Variants in TMEM135 observed in about 807,000 individuals in gnomAD.
TMEM135 encodes transmembrane protein 135, also known as peroxisomal membrane protein 52.
Under a neutral mutation model 60.3 loss-of-function variants are expected in TMEM135, and 30 were observed. That is an observed-to-expected ratio of 0.50 (90% CI 0.37 to 0.68). The LOEUF is 0.68. Among genes scored for constraint, TMEM135 ranks in the 30% least tolerant of loss-of-function variants. The probability of loss-of-function intolerance (pLI) is 0.00; values close to 1 mark genes in which losing one functional copy is unlikely to be tolerated. For missense variants in TMEM135, 468 were observed against 548.8 expected (o/e 0.85, Z 1.47); for synonymous variants, 190 against 186.7 (o/e 1.02, Z -0.14).
intron 6 of TMEM135, among the ~76,000 whole-genome samples, chr11:87,292,003 T>C (rs1038009071): frequency 6.6e-5 from 10 of 152,148 alleles, no homozygotes; most frequent in African/African-American, 2.4e-4. Context: ...TTCCCTCCCC[T>C]ATTTTGCTCC....
intron 6 of TMEM135, among the ~76,000 whole-genome samples, chr11:87,241,136 A>G (rs913209323): frequency 1.3e-5 from 2 of 151,928 alleles, no homozygotes; most frequent in Non-Finnish European, 1.5e-5. Context: ...TAGTTTATCT[A>G]TTTAAGAAAA....
chr11:87,248,626 T>G lies in TMEM135; in HGVS notation c.509+11942T>G, dbSNP rs570928564. On this transcript the variant is annotated intron_variant, in intron 6 of 14. Coordinates refer to ENST00000305494, the MANE Select transcript of TMEM135 (RefSeq NM_022918.4). The stretch of plus-strand genomic sequence containing the variant: ...CATTTGTGGTTCCATATAAATTATA[T>G]GATTTTTTTTTCTATTTCTATGAAG... Among the ~76,000 whole-genome samples the G allele has an allele frequency of 7.1e-3, 600 of 84,796 alleles. 3 individuals carry two copies. Among genetic ancestry groups the G allele is most frequent in the Non-Finnish European group, 0.012 (424 of 34,476 alleles). The allele number at this position is 84,796 out of a possible 152,430, so 55.6% of individuals were successfully genotyped here. A position where few individuals can be genotyped will look rare whatever the true frequency, so the allele number is the denominator to read the frequency against.
chr11:87,306,063 T>TCTAA, intron 9 of TMEM135, 58 bp downstream of exon 9: 7 of 1,002,762 alleles, frequency 7.0e-6, no homozygotes, highest in East Asian at 2.8e-5. Context: ...AGAAATTATT[T>TCTAA]ATTTATTTAG....
rs750537679 is a variant in TMEM135, at chr11:87,324,080, G to A, written c.*2747G>A. ...TTGATGGAATCCAAACTGAGCAAATGTCACACAGTATTTTCTTGTTGTGCT... is the reference window on the plus strand; with the variant it reads ...TTGATGGAATCCAAACTGAGCAAATATCACACAGTATTTTCTTGTTGTGCT... On this transcript the variant is annotated 3_prime_UTR_variant, in exon 15 of 15. Coordinates refer to ENST00000305494, the MANE Select transcript of TMEM135 (RefSeq NM_022918.4). 6.2e-5 allele frequency: 28 copies of A among 453,930 alleles called. No homozygotes were observed. The highest frequency in any genetic ancestry group is 3.5e-5 in the Non-Finnish European group (8 of 226,776). 28.1% of individuals were successfully genotyped at this position (453,930 alleles called of 1,614,324 possible). A position where few individuals can be genotyped will look rare whatever the true frequency, so the allele number is the denominator to read the frequency against.
chr11:87,252,159 T>C (rs1941430759), intron 6 of TMEM135, among the ~76,000 whole-genome samples: 1 of 152,120 alleles, frequency 6.6e-6, no homozygotes, highest in South Asian at 2.1e-4. Flanking sequence ...CTCTCTTTCT[T>C]AGACTGGAGA....
At chr11:87,222,515 A>T (rs1488190553) in intron 5 of TMEM135, among the ~76,000 whole-genome samples, 1 of 146,216 alleles carries the variant, frequency 6.8e-6, no homozygotes, top group Non-Finnish European at 1.5e-5. Context: ...AAAAAAAATA[A>T]TTACTGGGCC....
chr11:87,302,516 T>A lies in TMEM135; in HGVS notation c.698+74T>A, dbSNP rs761525630. On this transcript the variant is annotated intron_variant, in intron 8 of 14. Transcript: ENST00000305494. ...TGATATTTGTACCATGCCAAGGTTA[T>A]TTTTGTTTTCTATTCAGGTAATGAT... 1.1e-5 allele frequency: 17 copies of A among 1,594,290 alleles called. No homozygotes were observed. The East Asian group carries it at 2.9e-4, about 27-fold the overall frequency.
chr11:87,109,676 C>A (rs1857692474), intron 4 of TMEM135, among the ~76,000 whole-genome samples: 1 of 152,098 alleles, frequency 6.6e-6, no homozygotes, highest in Non-Finnish European at 1.5e-5. Context: ...TAAAGGGGGA[C>A]TATTATATGT....
At chr11:87,216,095 A>C (rs915011896) in intron 5 of TMEM135, among the ~76,000 whole-genome samples, 1 of 152,204 alleles carries the variant, frequency 6.6e-6, no homozygotes, top group African/African-American at 2.4e-5. Context: ...ATTAAACTTT[A>C]TCACAGGTAT....
At chr11:87,251,980 G>C (rs1941427766) in intron 6 of TMEM135, among the ~76,000 whole-genome samples, 1 of 152,050 alleles carries the variant, frequency 6.6e-6, no homozygotes, top group African/African-American at 2.4e-5. Flanking sequence ...TAAGCTGCTA[G>C]AGAAATTTCT....
chr11:87,141,219 T>A (rs1938252779), intron 4 of TMEM135, among the ~76,000 whole-genome samples: 1 of 152,160 alleles, frequency 6.6e-6, no homozygotes, highest in Non-Finnish European at 1.5e-5. Context: ...TTTATGTACA[T>A]AGCATATTTC....
At chr11:87,127,401 A>G (rs899452033) in intron 4 of TMEM135, among the ~76,000 whole-genome samples, 2 of 152,152 alleles carry the variant, frequency 1.3e-5, no homozygotes, top group Non-Finnish European at 2.9e-5. Flanking sequence ...CATGGCCTCC[A>G]GGTTTTGTGG....
intron 4 of TMEM135, among the ~76,000 whole-genome samples, chr11:87,098,029 A>G (rs1857370409): frequency 6.6e-6 from 1 of 152,102 alleles, no homozygotes; most frequent in Non-Finnish European, 1.5e-5. Context: ...TGTGTGTTTT[A>G]TACATTGCTG....
At chr11:87,188,031 A>G (rs1018135249) in intron 5 of TMEM135, among the ~76,000 whole-genome samples, 3 of 152,214 alleles carry the variant, frequency 2.0e-5, no homozygotes, top group African/African-American at 7.2e-5. Flanking sequence ...AAGATTATTT[A>G]TTCAGAATTC....
rs528610919 is a variant in TMEM135, at chr11:87,047,470, G to C, written c.141+9284G>C. Among the ~76,000 whole-genome samples, 21 of 151,422 alleles carry C rather than the reference G, an allele frequency of 1.4e-4. No individual in the cohort carries two copies. The South Asian group carries it at 3.4e-3, about 24-fold the overall frequency. ...GCCAGTGTGTGCGCGCACCGTGCGC[G>C]AGCCGAAGCAGGGCGAGGCACTGCC... On this transcript the variant is annotated intron_variant, in intron 1 of 14. Coordinates refer to ENST00000305494, the MANE Select transcript of TMEM135 (RefSeq NM_022918.4).
chr11:87,134,315 T>C (rs1272172701), intron 4 of TMEM135, among the ~76,000 whole-genome samples: 2 of 152,180 alleles, frequency 1.3e-5, no homozygotes, highest in Non-Finnish European at 2.9e-5. Context: ...CTAAAGGAGC[T>C]CGTTTTAACT....
chr11:87,134,626 C>A (rs2135237016), intron 4 of TMEM135, among the ~76,000 whole-genome samples: 1 of 152,254 alleles, frequency 6.6e-6, no homozygotes, highest in Non-Finnish European at 1.5e-5. Context: ...GGACTGTAGG[C>A]ATGTGCCACC....
chr11:87,291,515 A>ATTTTTTTTTTT (rs869273724), intron 6 of TMEM135, among the ~76,000 whole-genome samples: 5 of 50,532 alleles, frequency 9.9e-5, no homozygotes, highest in Non-Finnish European at 1.7e-4. Flanking sequence ...CAGCCAAGTG[A>ATTTTTTTTTTT]TTTTTTTTTT....
At chr11:87,127,062 T>G (rs565068017) in intron 4 of TMEM135, among the ~76,000 whole-genome samples, 2 of 152,166 alleles carry the variant, frequency 1.3e-5, no homozygotes, top group Admixed American at 1.3e-4. Flanking sequence ...CAACATTGAT[T>G]TGAACAGTTT....
Sources: gnomAD v4.1 joint callset for allele counts (sites outside exome capture counted in the v4.1 genomes callset) on GRCh38, gnomAD v4.1.1 for gene constraint, MANE v1.5 for transcripts, NCBI Gene and HGNC (gene_info 2026-07-23, HGNC 2026-07-21) for gene names.